The following GPC6 variants were observed in gnomAD, a reference collection of about 807,000 sequenced individuals.
GPC6 encodes the protein glypican-6.
GPC6 carries 14 observed loss-of-function variants against 55.2 expected under a neutral mutation model. That is an observed-to-expected ratio of 0.25 (90% CI 0.17 to 0.40). The LOEUF is 0.40. Ranked by LOEUF, GPC6 falls within the 10% of genes least tolerant of loss-of-function variation. The pLI is 1.00. For synonymous variants in GPC6, 278 were observed against 259.6 expected, an observed-to-expected ratio of 1.07 and a Z score of -0.68; for missense variants, 641 against 708.5, an observed-to-expected ratio of 0.90 and a Z score of 1.08.
intron 4 of GPC6, among the ~76,000 whole-genome samples, chr13:94,138,193 G>T (rs766437459): frequency 7.2e-5 from 11 of 152,138 alleles, no homozygotes; most frequent in South Asian, 2.1e-4. Flanking sequence ...CGGGTTTTCG[G>T]ATTAGGGATG....
intron 2 of GPC6, among the ~76,000 whole-genome samples, chr13:93,795,105 C>A (rs2138928021): frequency 6.6e-6 from 1 of 152,186 alleles, no homozygotes; most frequent in East Asian, 1.9e-4. Context: ...GGATCTCATG[C>A]ATGAAAGAAT....
intron 4 of GPC6, among the ~76,000 whole-genome samples, chr13:94,125,490 G>T (rs1886775707): frequency 6.6e-6 from 1 of 151,926 alleles, no homozygotes; most frequent in Non-Finnish European, 1.5e-5. Context: ...ACTGCTTTTA[G>T]GGAAAAAGGC....
intron 6 of GPC6, among the ~76,000 whole-genome samples, chr13:94,323,908 G>A (rs1876973295): frequency 6.6e-6 from 1 of 152,078 alleles, no homozygotes; most frequent in South Asian, 2.1e-4. Context: ...TGGCTGATAT[G>A]GCTTCCTGCT....
chr13:93,413,362 T>A (rs1328902549), intron 1 of GPC6, among the ~76,000 whole-genome samples: 2 of 152,134 alleles, frequency 1.3e-5, no homozygotes, highest in African/African-American at 4.8e-5. Flanking sequence ...TCTATTTACA[T>A]GACTGTGTAT....
chr13:94,343,490 A>G (rs993749220), intron 6 of GPC6, among the ~76,000 whole-genome samples: 1 of 152,214 alleles, frequency 6.6e-6, no homozygotes, highest in Non-Finnish European at 1.5e-5. Flanking sequence ...CTGAGTGCAT[A>G]AGACTCATGC....
intron 1 of GPC6, among the ~76,000 whole-genome samples, chr13:93,234,429 G>T (rs867105847): frequency 1.3e-5 from 2 of 152,110 alleles, no homozygotes; most frequent in Non-Finnish European, 2.9e-5. Flanking sequence ...TTAACAAGCT[G>T]TTGAATAAGT....
chr13:94,346,290 T>C (rs1566702325), intron 6 of GPC6, among the ~76,000 whole-genome samples: 2 of 152,182 alleles, frequency 1.3e-5, no homozygotes, highest in South Asian at 4.1e-4. Flanking sequence ...TTGCAGACTG[T>C]TGAGGATGGG....
chr13:94,151,978 T>C (rs1010537092), intron 4 of GPC6, among the ~76,000 whole-genome samples: 19 of 152,298 alleles, frequency 1.2e-4, no homozygotes, highest in Admixed American at 5.2e-4. Context: ...TGACCCGCTT[T>C]TCCTCCATTC....
chr13:93,221,470 G>C, the GPC6 span, among the ~76,000 whole-genome samples: 1 of 152,118 alleles, frequency 6.6e-6, no homozygotes, highest in African/African-American at 2.4e-5. Flanking sequence ...AGAAGAATCT[G>C]CTGCCCCATG....
At chr13:93,856,800 T>C (rs1296551096) in intron 3 of GPC6, among the ~76,000 whole-genome samples, 1 of 151,580 alleles carries the variant, frequency 6.6e-6, no homozygotes, top group African/African-American at 2.4e-5. Flanking sequence ...AGTCTTGACT[T>C]TGATAATGGA....
chr13:93,379,224 C>G (rs889337752), intron 1 of GPC6, among the ~76,000 whole-genome samples: 1 of 152,040 alleles, frequency 6.6e-6, no homozygotes. Flanking sequence ...CATAATTTTC[C>G]ATTTATCCCA....
chr13:93,808,928 G>A (rs1886617790), intron 2 of GPC6, among the ~76,000 whole-genome samples: 1 of 152,184 alleles, frequency 6.6e-6, no homozygotes, highest in African/African-American at 2.4e-5. Context: ...ACGTAAGGCA[G>A]GTGAGAGATG....
chr13:93,769,379 T>C (rs1237493947), intron 2 of GPC6, among the ~76,000 whole-genome samples: 1 of 145,756 alleles, frequency 6.9e-6, no homozygotes, highest in Non-Finnish European at 1.5e-5. Context: ...AAATAGCTGG[T>C]AAAATGATCC....
chr13:93,231,307 C>A, intron 1 of GPC6, among the ~76,000 whole-genome samples: 2 of 140,566 alleles, frequency 1.4e-5, no homozygotes, highest in African/African-American at 2.6e-5. Context: ...CTATTCTTTC[C>A]TCATTTCATA....
intron 3 of GPC6, among the ~76,000 whole-genome samples, chr13:93,876,130 T>C (rs766531573): frequency 5.9e-5 from 9 of 152,048 alleles, no homozygotes; most frequent in Admixed American, 3.3e-4. Context: ...GACATAGGTA[T>C]GATATTTGTA....
chr13:93,895,132 CTA>C (rs1378164023), intron 3 of GPC6, among the ~76,000 whole-genome samples: 2 of 147,576 alleles, frequency 1.4e-5, no homozygotes, highest in Admixed American at 6.8e-5. Flanking sequence ...CCATATATGT[CTA>C]TATATATATT....
intron 2 of GPC6, among the ~76,000 whole-genome samples, chr13:93,672,166 T>C (rs1275692158): frequency 6.8e-6 from 1 of 146,234 alleles, no homozygotes; most frequent in East Asian, 2.0e-4. Flanking sequence ...TTTTTTTTAG[T>C]AGCTAATAGT....
chr13:94,019,297 A>G (rs577555678), intron 3 of GPC6, among the ~76,000 whole-genome samples: 1 of 152,186 alleles, frequency 6.6e-6, no homozygotes, highest in African/African-American at 2.4e-5. Context: ...GGTAGGGTGT[A>G]TCTTTCCAGG....
At chr13:94,390,051 T>TAAGAAATAGG (rs1880577487) in intron 7 of GPC6, among the ~76,000 whole-genome samples, 1 of 152,142 alleles carries the variant, frequency 6.6e-6, no homozygotes. Flanking sequence ...GTAAACACAG[T>TAAGAAATAGG]AAATTGTAAG....
Sources: gnomAD v4.1 joint callset for allele counts (sites outside exome capture counted in the v4.1 genomes callset) on GRCh38, gnomAD v4.1.1 for gene constraint, MANE v1.5 for transcripts, NCBI Gene and HGNC (gene_info 2026-07-23, HGNC 2026-07-21) for gene names.